LYPLAL1: variants seen among roughly 807,000 people sequenced by gnomAD.
LYPLAL1 encodes lysophospholipase like 1.
In LYPLAL1, 23 loss-of-function variants were observed where a neutral mutation model predicts 19.7. That is an observed-to-expected ratio of 1.17 (90% CI 0.84 to 1.65). The LOEUF is 1.65. Among genes scored for constraint, LYPLAL1 ranks in the 40% most tolerant of loss-of-function variants. The probability of loss-of-function intolerance (pLI) is 0.00; values close to 1 mark genes in which losing one functional copy is unlikely to be tolerated. For missense variants in LYPLAL1, 355 were observed against 279.4 expected (o/e 1.27, Z -1.93); for synonymous variants, 119 against 96.3 (o/e 1.24, Z -1.38).
the LYPLAL1 span, among the ~76,000 whole-genome samples, chr1:219,227,910 TAC>T: frequency 6.6e-6 from 1 of 152,166 alleles, no homozygotes; most frequent in Non-Finnish European, 1.5e-5. Flanking sequence ...TATTGCTTCA[TAC>T]ACACAGAAGT....
the LYPLAL1 span, among the ~76,000 whole-genome samples, chr1:219,234,571 AAAT>A: frequency 1.3e-5 from 2 of 152,162 alleles, no homozygotes; most frequent in African/African-American, 4.8e-5. Context: ...AAGTTATATA[AAAT>A]AATAATGAAA....
the LYPLAL1 span, among the ~76,000 whole-genome samples, chr1:219,260,875 T>G: frequency 2.0e-5 from 3 of 151,738 alleles, no homozygotes; most frequent in East Asian, 5.8e-4. Context: ...GGCCAAATTT[T>G]TTATCCTAAT....
chr1:219,328,686 C>G, the LYPLAL1 span, among the ~76,000 whole-genome samples: 1 of 152,138 alleles, frequency 6.6e-6, no homozygotes, highest in Non-Finnish European at 1.5e-5. Flanking sequence ...TAATAAACCT[C>G]AATCAAAATT....
chr1:219,417,515 G>T, the LYPLAL1 span, among the ~76,000 whole-genome samples: 3 of 152,168 alleles, frequency 2.0e-5, no homozygotes, highest in African/African-American at 7.2e-5. Context: ...GTTGTCCATG[G>T]TATAGGCAGA....
chr1:219,354,370 T>A, the LYPLAL1 span, among the ~76,000 whole-genome samples: 1 of 152,186 alleles, frequency 6.6e-6, no homozygotes, highest in African/African-American at 2.4e-5. Flanking sequence ...CTAATTTTTG[T>A]ATTTTTAGTA....
the LYPLAL1 span, among the ~76,000 whole-genome samples, chr1:219,227,267 G>A: frequency 2.2e-4 from 33 of 152,256 alleles, no homozygotes; most frequent in East Asian, 6.2e-3. Context: ...TAAATCAGAG[G>A]AGTTCAGAAG....
intron 1 of LYPLAL1, 148 bp downstream of exon 1, chr1:219,174,129 A>C: frequency 6.9e-7 from 1 of 1,458,932 alleles, no homozygotes. Context: ...CTGTAGATGC[A>C]CGGGCAGCGC....
At chr1:219,414,406 T>C in the LYPLAL1 span, among the ~76,000 whole-genome samples, 1 of 152,308 alleles carries the variant, frequency 6.6e-6, no homozygotes, top group African/African-American at 2.4e-5. Context: ...CCTCAGTAAA[T>C]ATTTGTTAAA....
the LYPLAL1 span, among the ~76,000 whole-genome samples, chr1:219,376,833 A>G: frequency 6.6e-6 from 1 of 152,188 alleles, no homozygotes; most frequent in Non-Finnish European, 1.5e-5. Context: ...ACATACAACA[A>G]ATTTTGGCAA....
intron 2 of LYPLAL1, among the ~76,000 whole-genome samples, chr1:219,192,421 A>G (rs1657253600): frequency 6.6e-6 from 1 of 151,600 alleles, no homozygotes; most frequent in Non-Finnish European, 1.5e-5. Flanking sequence ...GTTCTTTCAA[A>G]TTACTATAGG....
the LYPLAL1 span, among the ~76,000 whole-genome samples, chr1:219,320,921 A>T: frequency 6.6e-6 from 1 of 152,190 alleles, no homozygotes; most frequent in Non-Finnish European, 1.5e-5. Context: ...GTGTCTTTAT[A>T]GCAGCATGAT....
chr1:219,176,306 A>T (rs1349006702), intron 1 of LYPLAL1, among the ~76,000 whole-genome samples: 2 of 152,190 alleles, frequency 1.3e-5, no homozygotes, highest in African/African-American at 2.4e-5. Context: ...AGTGGTAGTC[A>T]TCATACTTGT....
chr1:219,229,514 G>A, the LYPLAL1 span, among the ~76,000 whole-genome samples: 2 of 152,164 alleles, frequency 1.3e-5, no homozygotes, highest in Non-Finnish European at 2.9e-5. Flanking sequence ...TGTATCATCC[G>A]ATTCTTCCGG....
At chr1:219,317,988 C>A in the LYPLAL1 span, among the ~76,000 whole-genome samples, 1 of 152,178 alleles carries the variant, frequency 6.6e-6, no homozygotes, top group African/African-American at 2.4e-5. Context: ...GCAGACTGAT[C>A]AGACCCCAGG....
chr1:219,197,717 C>T (rs757807258), intron 3 of LYPLAL1, among the ~76,000 whole-genome samples: 2 of 152,054 alleles, frequency 1.3e-5, no homozygotes, highest in South Asian at 2.1e-4. Flanking sequence ...AAAATTTTTG[C>T]GATCTATCCA....
At chr1:219,399,060 G>A in the LYPLAL1 span, among the ~76,000 whole-genome samples, 6,959 of 152,304 alleles carry the variant, frequency 0.046, 538 homozygotes, top group African/African-American at 0.16. Flanking sequence ...TAGCAGTGCA[G>A]GGAGGGGCAC....
the LYPLAL1 span, among the ~76,000 whole-genome samples, chr1:219,385,066 A>G: frequency 6.6e-6 from 1 of 151,892 alleles, no homozygotes; most frequent in Non-Finnish European, 1.5e-5. Context: ...GTGGTGGGGG[A>G]GGTCAGTAAA....
the LYPLAL1 span, chr1:219,222,707 G>T: frequency 0.97 from 146,955 of 152,202 alleles, 71,159 homozygotes; most frequent in East Asian, 1. Flanking sequence ...CAAGTGTGTC[G>T]CTCTTTAACT....
At chr1:219,241,887 G>T in the LYPLAL1 span, among the ~76,000 whole-genome samples, 1 of 152,118 alleles carries the variant, frequency 6.6e-6, no homozygotes, top group African/African-American at 2.4e-5. Context: ...AGTGAAGGTG[G>T]TGTTGACCAG....
Sources: allele counts gnomAD v4.1 joint callset (sites outside exome capture counted in the v4.1 genomes callset), GRCh38; gene constraint gnomAD v4.1.1; transcripts MANE v1.5; gene names NCBI Gene and HGNC (gene_info 2026-07-23, HGNC 2026-07-21).